KIF26B: variants seen among roughly 807,000 people sequenced by gnomAD.
KIF26B encodes kinesin-like protein KIF26B.
A neutral mutation model predicts 151.2 loss-of-function variants in KIF26B; 63 were observed. The observed-to-expected ratio is 0.42, with a 90% CI of 0.34 to 0.51. The LOEUF is 0.51. KIF26B is among the 20% of genes least tolerant of loss of function. The pLI is 0.07. For missense variants in KIF26B, 2,813 were observed against 2,913.6 expected, an observed-to-expected ratio of 0.97 and a Z score of 0.79; for synonymous variants, 1,357 against 1,262.1, an observed-to-expected ratio of 1.08 and a Z score of -1.59.
intron 2 of KIF26B, among the ~76,000 whole-genome samples, chr1:245,316,932 C>T (rs1295331918): frequency 6.7e-6 from 1 of 149,904 alleles, no homozygotes; most frequent in Non-Finnish European, 1.5e-5. Context: ...GCTGTCCAGC[C>T]CGGGTGGAGG....
Position 245,624,844 on chromosome 1 carries a change from C to T in KIF26B, c.2098+12868C>T, listed in dbSNP as rs76983895. ...AAAAAGGTTTCTTCTTATGCCTCCTCTAGAAGTTTTGTAATTTTAGGCTTC... is the reference window on the plus strand; with the variant it reads ...AAAAAGGTTTCTTCTTATGCCTCCTTTAGAAGTTTTGTAATTTTAGGCTTC... On this transcript the variant is annotated intron_variant, in intron 9 of 14. Coordinates refer to ENST00000407071, the MANE Select transcript of KIF26B (RefSeq NM_018012.4). 2.6e-5 allele frequency among the ~76,000 whole-genome samples: 4 copies of T among 152,222 alleles called. No individual in the cohort carries two copies. The East Asian group carries it at 7.7e-4, about 29-fold the overall frequency.
In KIF26B at chr1:245,704,035, G is replaced by GAATT. The variant is rs2044808745; in HGVS notation, c.*1431_*1434dup. ...TTCCTCCCTATAACAATTCCCTTAGGAATTATGATACCCATTTTAGTGATT... is the reference window on the plus strand; with the variant it reads ...TTCCTCCCTATAACAATTCCCTTAGGAATTAATTATGATACCCATTTTAGTGATT... On this transcript the variant is annotated 3_prime_UTR_variant, in exon 15 of 15. Coordinates refer to ENST00000407071, the MANE Select transcript of KIF26B (RefSeq NM_018012.4). 6.8e-6 allele frequency: 1 copy of GAATT among 146,104 alleles called. No homozygotes were observed. The highest frequency in any genetic ancestry group is 1.5e-5 in the Non-Finnish European group (1 of 67,328). 9.1% of individuals were successfully genotyped at this position (146,104 alleles called of 1,614,324 possible).
chr1:245,169,530 C>T (rs887589348), intron 2 of KIF26B, among the ~76,000 whole-genome samples: 2 of 152,124 alleles, frequency 1.3e-5, no homozygotes, highest in Admixed American at 1.3e-4. Flanking sequence ...AGAAGGATGG[C>T]TGACCCTCTC....
intron 12 of KIF26B, among the ~76,000 whole-genome samples, chr1:245,689,454 T>C (rs1304888878): frequency 6.6e-6 from 1 of 152,202 alleles, no homozygotes; most frequent in East Asian, 1.9e-4. Flanking sequence ...CCCAAACATA[T>C]TTGTGGACAG....
At chr1:245,610,776 T>C (rs891065771) in intron 8 of KIF26B, among the ~76,000 whole-genome samples, 1 of 152,246 alleles carries the variant, frequency 6.6e-6, no homozygotes. Flanking sequence ...AATTCTTTGG[T>C]TTATTTTTCC....
chr1:245,418,058 C>T (rs574176706), intron 3 of KIF26B, among the ~76,000 whole-genome samples: 9 of 152,348 alleles, frequency 5.9e-5, no homozygotes, highest in Admixed American at 5.2e-4. Context: ...GATGCGCGCC[C>T]TGGAGCTTCA....
Position 245,602,760 on chromosome 1 carries a change from G to A in KIF26B, c.1534G>A (p.Val512Ile). The A allele has an allele frequency of 6.2e-7, 1 of 1,613,864 alleles. No individual in the cohort carries two copies. Among genetic ancestry groups the A allele is most frequent in the Non-Finnish European group, 8.5e-7 (1 of 1,179,896 alleles). The change falls in exon 6 of 15, where the codon GTT becomes ATT. Residue 512 changes from valine (V) to isoleucine (I), a missense_variant. Around this residue, in one of 3 missense-constraint regions of KIF26B, gnomAD observed 676 missense variants for 688.1 expected, o/e 0.98. Transcript: ENST00000407071. This position sits in a 1 kb window ranked among gnomAD's most constrained non-coding sequence, Gnocchi z 4.5. The part of the protein sequence containing the change: ...VPPKMFAFDA[V>I]FPQDASQAEV... Reference sequence around the variant, plus strand: ...TCCAAAGATGTTTGCCTTCGATGCAGTTTTTCCACAAGACGCTTCTCAGGT... The same window carrying A: ...TCCAAAGATGTTTGCCTTCGATGCAATTTTTCCACAAGACGCTTCTCAGGT...
intron 4 of KIF26B, among the ~76,000 whole-genome samples, chr1:245,519,390 C>T (rs1286554920): frequency 6.6e-6 from 1 of 151,954 alleles, no homozygotes; most frequent in African/African-American, 2.4e-5. Context: ...CCCATCTCTA[C>T]TAAAAATACA....
intron 3 of KIF26B, among the ~76,000 whole-genome samples, chr1:245,414,251 T>C (rs891225593): frequency 2.0e-5 from 3 of 152,152 alleles, no homozygotes; most frequent in Admixed American, 2.0e-4. Flanking sequence ...TGCTTTGAAG[T>C]GTGGGGAGTC....
intron 9 of KIF26B, among the ~76,000 whole-genome samples, chr1:245,615,474 T>C (rs955061712): frequency 8.5e-5 from 13 of 152,176 alleles, no homozygotes; most frequent in Non-Finnish European, 1.3e-4. Context: ...GAACTTGAAA[T>C]TCAGATTCCA....
chr1:245,529,051 T>C (rs1350692875), intron 4 of KIF26B, among the ~76,000 whole-genome samples: 2 of 152,182 alleles, frequency 1.3e-5, no homozygotes, highest in Admixed American at 6.5e-5. Flanking sequence ...CTCAACCTTC[T>C]CTTGGGTCCT....
chr1:245,289,864 T>A (rs185590688), intron 2 of KIF26B, among the ~76,000 whole-genome samples: 18 of 152,314 alleles, frequency 1.2e-4, no homozygotes, highest in Admixed American at 8.5e-4. Context: ...AGCAACCCTC[T>A]GCTTAGAAAA....
chr1:245,574,364 G>A (rs372651671), intron 5 of KIF26B, among the ~76,000 whole-genome samples: 17 of 152,094 alleles, frequency 1.1e-4, no homozygotes, highest in African/African-American at 3.6e-4. Flanking sequence ...GACTGGTCTC[G>A]AACTCCTGAC....
intron 2 of KIF26B, among the ~76,000 whole-genome samples, chr1:245,286,259 G>T (rs1671163108): frequency 6.6e-6 from 1 of 152,036 alleles, no homozygotes; most frequent in Admixed American, 6.6e-5. Flanking sequence ...ACTCAGGTGG[G>T]TGTGGTGGCT....
chr1:245,231,709 A>G (rs946000283), intron 2 of KIF26B, among the ~76,000 whole-genome samples: 2 of 152,256 alleles, frequency 1.3e-5, no homozygotes, highest in African/African-American at 4.8e-5. Flanking sequence ...GAAGAGGAGG[A>G]AGAAAACAAA....
intron 4 of KIF26B, among the ~76,000 whole-genome samples, chr1:245,536,676 G>T (rs1661492817): frequency 6.6e-6 from 1 of 152,162 alleles, no homozygotes; most frequent in Non-Finnish European, 1.5e-5. Context: ...TAGTGGGTGT[G>T]ATTTATCTCT....
At chr1:245,169,942 G>A (rs1166191491) in intron 2 of KIF26B, among the ~76,000 whole-genome samples, 1 of 152,044 alleles carries the variant, frequency 6.6e-6, no homozygotes, top group Non-Finnish European at 1.5e-5. Context: ...TGCCCATGTG[G>A]ATCTCCTTGA....
At chr1:245,664,595 T>C (rs918388321) in intron 10 of KIF26B, among the ~76,000 whole-genome samples, 2 of 152,230 alleles carry the variant, frequency 1.3e-5, no homozygotes, top group Non-Finnish European at 1.5e-5. Context: ...GCCGTCTATA[T>C]TGGTGAACCT....
chr1:245,242,746 G>C (rs1164323434), intron 2 of KIF26B, among the ~76,000 whole-genome samples: 1 of 152,084 alleles, frequency 6.6e-6, no homozygotes, highest in Non-Finnish European at 1.5e-5. Flanking sequence ...CTGTCTCCCG[G>C]GTTCAAGTGA....
Sources: allele counts gnomAD v4.1 joint callset (sites outside exome capture counted in the v4.1 genomes callset), GRCh38; gene constraint gnomAD v4.1.1; regional missense constraint gnomAD v4.1.1; non-coding constraint Gnocchi (gnomAD v3.1); transcripts MANE v1.5; gene names NCBI Gene and HGNC (gene_info 2026-07-23, HGNC 2026-07-21).